Variants in CUX1 observed in about 807,000 individuals in gnomAD.
The protein encoded by CUX1 is cut like homeobox 1.
A neutral mutation model predicts 158.8 loss-of-function variants in CUX1; 31 were observed. That is an observed-to-expected ratio of 0.20 (90% CI 0.15 to 0.26). The LOEUF is 0.26. Among genes scored for constraint, CUX1 ranks in the 10% least tolerant of loss-of-function variants. The probability of loss-of-function intolerance (pLI) is 1.00; values close to 1 mark genes in which losing one functional copy is unlikely to be tolerated. For synonymous variants in CUX1, 879 were observed against 862.1 expected (o/e 1.02, Z -0.34); for missense variants, 1,589 against 2,014.6 (o/e 0.79, Z 4.04).
At chr7:101,956,026 C>G (rs963973388) in intron 2 of CUX1, among the ~76,000 whole-genome samples, 3 of 144,808 alleles carry the variant, frequency 2.1e-5, no homozygotes, top group Admixed American at 1.5e-4. Context: ...ACTAAAAATA[C>G]AAAAAATTAG....
intron 4 of CUX1, among the ~76,000 whole-genome samples, chr7:102,093,411 TC>T (rs1828855732): frequency 6.6e-6 from 1 of 152,128 alleles, no homozygotes; most frequent in South Asian, 2.1e-4. Context: ...GGCCTCAAAC[TC>T]CTGGGCTCAA....
chr7:102,069,446 T>C (rs925131534), intron 3 of CUX1, among the ~76,000 whole-genome samples: 3 of 152,110 alleles, frequency 2.0e-5, no homozygotes, highest in Non-Finnish European at 4.4e-5. Flanking sequence ...TGCAAATGAG[T>C]GTCTTAAAAC....
At position 102,256,346 on chromosome 7, in the gene CUX1, T is replaced by A; in HGVS notation, c.*7304T>A. 1.0e-6 allele frequency: 1 copy of A among 984,844 alleles called. No individual in the cohort carries two copies. 61.0% of individuals were successfully genotyped at this position (984,844 alleles called of 1,614,324 possible). On this transcript the variant is annotated 3_prime_UTR_variant, in exon 24 of 24. Transcript: ENST00000292535. ...AAAATTATTTCTATCCTCTTCTATT[T>A]ATTATTAGGTTAATCATTTAAGTAC... is the stretch of plus-strand genomic sequence containing the variant.
chr7:102,169,204 A>T (rs1791447570), intron 9 of CUX1, among the ~76,000 whole-genome samples: 1 of 151,938 alleles, frequency 6.6e-6, no homozygotes, highest in Non-Finnish European at 1.5e-5. Context: ...AAGTGCTGGG[A>T]TTATAGGCGT....
At chr7:102,124,152 G>A (rs1344510081) in intron 8 of CUX1, among the ~76,000 whole-genome samples, 4 of 152,154 alleles carry the variant, frequency 2.6e-5, no homozygotes, top group South Asian at 4.1e-4. Flanking sequence ...AATGGGTAAC[G>A]GACTGTTGAG....
In CUX1 at chr7:102,033,184, C is replaced by G. The variant is rs563039564; in HGVS notation, c.189+5039C>G. Among the ~76,000 whole-genome samples the G allele has an allele frequency of 2.6e-5, 4 of 152,264 alleles. No individual in the cohort carries two copies. The South Asian group carries it at 8.3e-4, about 32-fold the overall frequency. ...ATTACAGTAGGCTGGTATGATGGCT[C>G]ACGCCTGTAGTCCCAGCACTTTGGG... On this transcript the variant is annotated intron_variant, in intron 3 of 23. Transcript: ENST00000292535.
chr7:101,886,976 C>T (rs902321498), intron 1 of CUX1, among the ~76,000 whole-genome samples: 1 of 152,200 alleles, frequency 6.6e-6, no homozygotes, highest in African/African-American at 2.4e-5. Context: ...GCTGAGCCCC[C>T]ACTCTTCGCT....
chr7:101,903,714 G>A (rs1051234318), intron 1 of CUX1, among the ~76,000 whole-genome samples: 2 of 152,116 alleles, frequency 1.3e-5, no homozygotes, highest in African/African-American at 2.4e-5. Flanking sequence ...CCGAGACAGC[G>A]TCTCTCACAT....
intron 2 of CUX1, among the ~76,000 whole-genome samples, chr7:101,938,455 C>A (rs1807215616): frequency 6.6e-6 from 1 of 152,194 alleles, no homozygotes. Flanking sequence ...TCATCCTCAT[C>A]TACTGGCCTG....
chr7:101,839,190 A>G (rs1004095082), intron 1 of CUX1, among the ~76,000 whole-genome samples: 7 of 152,118 alleles, frequency 4.6e-5, no homozygotes, highest in African/African-American at 9.7e-5. Context: ...TGGGGCTTCA[A>G]TGTATGAATT....
intron 6 of CUX1, among the ~76,000 whole-genome samples, chr7:102,105,484 C>T (rs966250437): frequency 4.9e-5 from 7 of 141,736 alleles, no homozygotes; most frequent in African/African-American, 1.3e-4. Flanking sequence ...ATTGAGCTTA[C>T]GGATCCCAAC....
chr7:102,030,355 A>C, intron 3 of CUX1, among the ~76,000 whole-genome samples: 1 of 151,356 alleles, frequency 6.6e-6, no homozygotes. Flanking sequence ...CTAACATTTC[A>C]CCCCATGTAC....
chr7:102,130,889 C>T (rs932262170), intron 8 of CUX1, among the ~76,000 whole-genome samples: 16 of 152,048 alleles, frequency 1.1e-4, no homozygotes, highest in African/African-American at 3.9e-4. Context: ...TGGCTCACGC[C>T]TGTAATCCCA....
In CUX1 at chr7:102,104,440, G is replaced by T. The variant is rs1554487763; in HGVS notation, c.511G>T (p.Asp171Tyr). ...ALEKEQKLQN[D>Y]FAEKERKLQE... is the part of the protein sequence containing the mutation. ...TGAGAAGGAACAGAAGTTACAGAAT[G>T]ACTTTGCAGAAAAGGAGAGGTGAGC... The change falls in exon 6 of 24, where the codon GAC becomes TAC. Residue 171 changes from aspartate to tyrosine, a missense_variant. Physicochemically the swap from Asp to Tyr is radical, Grantham distance 160 (BLOSUM62 -3). This residue lies in a region of CUX1 where 515 missense variants were observed against 574.4 expected (regional missense o/e 0.90). Transcript: ENST00000292535. 1.2e-6 allele frequency: 2 copies of T among 1,613,040 alleles called. No individual in the cohort carries two copies. Among genetic ancestry groups the T allele is most frequent in the Admixed American group, 1.7e-5 (1 of 59,990 alleles).
chr7:102,165,514 A>T (rs1381758009), intron 9 of CUX1, among the ~76,000 whole-genome samples: 5 of 150,868 alleles, frequency 3.3e-5, no homozygotes, highest in Non-Finnish European at 7.4e-5. Context: ...ACAGGTGCAC[A>T]CCCCCACGCC....
intron 16 of CUX1, chr7:102,274,385 G>T: frequency 7.7e-7 from 1 of 1,304,312 alleles, no homozygotes; most frequent in South Asian, 1.2e-5. Flanking sequence ...TGAGAACACA[G>T]ATCCCCAAAG....
intron 2 of CUX1, among the ~76,000 whole-genome samples, chr7:101,979,416 G>A (rs1218077040): frequency 6.6e-6 from 1 of 152,220 alleles, no homozygotes; most frequent in African/African-American, 2.4e-5. Flanking sequence ...TGGATGTGAT[G>A]AGATTTTTGA....
intron 1 of CUX1, among the ~76,000 whole-genome samples, chr7:101,819,542 G>A (rs1204928443): frequency 6.6e-6 from 1 of 152,150 alleles, no homozygotes; most frequent in Non-Finnish European, 1.5e-5. Flanking sequence ...CCCTGTTGTG[G>A]AAGTGTGTAT....
chr7:102,219,139 AG>A (rs1797556608), intron 20 of CUX1, among the ~76,000 whole-genome samples: 1 of 148,204 alleles, frequency 6.7e-6, no homozygotes, highest in Admixed American at 6.7e-5. Context: ...AGCACCTACT[AG>A]GTACCAGAGA....
Sources: allele counts gnomAD v4.1 joint callset (sites outside exome capture counted in the v4.1 genomes callset), GRCh38; gene constraint gnomAD v4.1.1; regional missense constraint gnomAD v4.1.1; transcripts MANE v1.5; gene names NCBI Gene and HGNC (gene_info 2026-07-23, HGNC 2026-07-21).